The following ACSL1 variants were observed in gnomAD, a reference collection of about 807,000 sequenced individuals.
The protein encoded by ACSL1 is acyl-CoA synthetase long chain family member 1.
A neutral mutation model predicts 98.4 loss-of-function variants in ACSL1; 41 were observed. The observed-to-expected ratio is 0.42, with a 90% CI of 0.32 to 0.54. ACSL1 has a LOEUF of 0.54. Among genes scored for constraint, ACSL1 ranks in the 20% least tolerant of loss-of-function variants. The pLI, the probability that ACSL1 is intolerant of heterozygous loss-of-function variation, is 0.13. For missense variants in ACSL1, 734 were observed against 883.1 expected (o/e 0.83, Z 2.14); for synonymous variants, 316 against 322.7 (o/e 0.98, Z 0.22).
chr4:184,796,673 G>C (rs1462911506), intron 2 of ACSL1, among the ~76,000 whole-genome samples: 2 of 152,220 alleles, frequency 1.3e-5, no homozygotes, highest in Non-Finnish European at 2.9e-5. Flanking sequence ...AAGGATGAAG[G>C]ATAGGGATGT....
intron 1 of ACSL1, among the ~76,000 whole-genome samples, chr4:184,821,925 A>G (rs1773095737): frequency 6.6e-6 from 1 of 152,282 alleles, no homozygotes; most frequent in Non-Finnish European, 1.5e-5. Flanking sequence ...AAATGTTAAT[A>G]GTATTTAATC....
chr4:184,789,322 T>C lies in ACSL1; in HGVS notation c.196-591A>G, dbSNP rs888746695. Among the ~76,000 whole-genome samples the C allele has an allele frequency of 9.8e-5, 15 of 152,304 alleles. No homozygotes were observed. The South Asian group carries it at 3.1e-3, about 32-fold the overall frequency. The stretch of plus-strand genomic sequence containing the variant: ...CCACAAACTGCCACCACTACACACA[T>C]TGACAGTTCTCAAGCCACTGCCATC... On this transcript the variant is annotated intron_variant, in intron 2 of 20. Coordinates refer to ENST00000281455, the MANE Select transcript of ACSL1 (RefSeq NM_001995.5).
chr4:184,792,984 A>G (rs373388529), intron 2 of ACSL1, among the ~76,000 whole-genome samples: 2 of 152,078 alleles, frequency 1.3e-5, no homozygotes, highest in African/African-American at 4.8e-5. Flanking sequence ...AAATAGCTTA[A>G]ATTTGGCCCT....
Position 184,766,074 on chromosome 4 carries a change from G to A in ACSL1, c.1264-88C>T, listed in dbSNP as rs1164852720. ...GCCAAGGGGGCCTGCTTGGGACCCC[G>A]TTCCCTAACCCATAGCTGCAGACCA... On this transcript the variant is annotated intron_variant, in intron 13 of 20. Transcript: ENST00000281455. The surrounding 1 kb of genome is among the most constrained non-coding windows in gnomAD (Gnocchi z 4.8). 3.5e-5 allele frequency: 45 copies of A among 1,272,752 alleles called. 1 individual carries two copies. The highest frequency in any genetic ancestry group is 4.6e-5 in the Non-Finnish European group (41 of 890,988). 78.8% of individuals were successfully genotyped at this position (1,272,752 alleles called of 1,614,324 possible).
At chr4:184,760,573 C>T in intron 17 of ACSL1, 73 bp from the exon 18 acceptor site, 1 of 1,572,620 alleles carries the variant, frequency 6.4e-7, no homozygotes, top group Non-Finnish European at 8.7e-7. Flanking sequence ...CCCAGTACAA[C>T]ACTGAAAGGT....
intron 12 of ACSL1, among the ~76,000 whole-genome samples, chr4:184,767,390 A>T (rs1300297116): frequency 6.6e-6 from 1 of 152,078 alleles, no homozygotes; most frequent in Non-Finnish European, 1.5e-5. Context: ...TGCTACATGG[A>T]TGCTTGTGAA....
At chr4:184,788,404 C>CAT (rs1561213720) in intron 3 of ACSL1, 3 of 659,846 alleles carry the variant, frequency 4.5e-6, no homozygotes, top group South Asian at 3.0e-5. Context: ...GTGACACTCA[C>CAT]ATATTTGACC....
At chr4:184,821,070 CA>C in intron 1 of ACSL1, 1 of 456,312 alleles carries the variant, frequency 2.2e-6, no homozygotes. Context: ...ACCTACCTTA[CA>C]GGGTTGCTGA....
rs1304679457 is a variant in ACSL1, at chr4:184,803,297, G to C, written c.195+23C>G. On this transcript the variant is annotated intron_variant, in intron 2 of 20. Coordinates refer to ENST00000281455, the MANE Select transcript of ACSL1 (RefSeq NM_001995.5). The surrounding 1 kb of genome is among the most constrained non-coding windows in gnomAD (Gnocchi z 4.8). ...GGGGAAATGCGGAGAAAACGCACGAGGCAGGCTGGGCCCTCCACTCACCGC... is the reference window on the plus strand; with the variant it reads ...GGGGAAATGCGGAGAAAACGCACGACGCAGGCTGGGCCCTCCACTCACCGC... 6.6e-7 allele frequency: 1 copy of C among 1,520,958 alleles called. No individual in the cohort carries two copies. Among genetic ancestry groups the C allele is most frequent in the African/African-American group, 1.4e-5 (1 of 72,062 alleles). 94.2% of individuals were successfully genotyped at this position (1,520,958 alleles called of 1,614,324 possible).
intron 4 of ACSL1, 40 bp from the exon 5 acceptor site, chr4:184,780,473 C>T: frequency 1.3e-6 from 2 of 1,502,498 alleles, no homozygotes; most frequent in Non-Finnish European, 1.8e-6. Context: ...GCATTGGGCC[C>T]CAACTCCAGA....
chr4:184,756,985 A>T lies in ACSL1; in HGVS notation c.*140T>A. 2 of 1,091,570 alleles carry T rather than the reference A, an allele frequency of 1.8e-6. No individual in the cohort carries two copies. Among genetic ancestry groups the T allele is most frequent in the South Asian group, 4.1e-5 (2 of 48,586 alleles). 67.6% of individuals were successfully genotyped at this position (1,091,570 alleles called of 1,614,324 possible). On this transcript the variant is annotated 3_prime_UTR_variant, in exon 21 of 21. Coordinates refer to ENST00000281455, the MANE Select transcript of ACSL1 (RefSeq NM_001995.5). ...TTCTCTTTCCTCTAGCATTCCTATG[A>T]GAAGAACCCCGAATGGACAAGTCAA...
At chr4:184,781,350 T>C (rs909969805) in intron 4 of ACSL1, among the ~76,000 whole-genome samples, 2 of 151,602 alleles carry the variant, frequency 1.3e-5, no homozygotes, top group East Asian at 1.9e-4. Flanking sequence ...AAGTAAATGA[T>C]GGTAAATCAC....
At chr4:184,782,946 C>A (rs187702674) in intron 4 of ACSL1, among the ~76,000 whole-genome samples, 1 of 152,316 alleles carries the variant, frequency 6.6e-6, no homozygotes, top group East Asian at 1.9e-4. Flanking sequence ...TACACCAGCT[C>A]CTAAGCTGCC....
At chr4:184,765,658 T>TG (rs1763480956) in intron 14 of ACSL1, among the ~76,000 whole-genome samples, 1 of 151,932 alleles carries the variant, frequency 6.6e-6, no homozygotes, top group Non-Finnish European at 1.5e-5. Flanking sequence ...TCTCACCACG[T>TG]GGGAAAAAAA....
chr4:184,778,445 T>C (rs899256392), intron 5 of ACSL1, among the ~76,000 whole-genome samples: 2 of 152,174 alleles, frequency 1.3e-5, no homozygotes, highest in African/African-American at 4.8e-5. Context: ...CTCCACCACA[T>C]GAAAATGCTC....
At chr4:184,817,423 T>C (rs1772724401) in intron 1 of ACSL1, among the ~76,000 whole-genome samples, 1 of 152,104 alleles carries the variant, frequency 6.6e-6, no homozygotes, top group Non-Finnish European at 1.5e-5. Flanking sequence ...TCCATAGAAG[T>C]TCTAATGTTT....
intron 1 of ACSL1, among the ~76,000 whole-genome samples, chr4:184,809,051 A>G: frequency 6.6e-6 from 1 of 152,232 alleles, no homozygotes; most frequent in East Asian, 1.9e-4. Flanking sequence ...AATTAAGTAT[A>G]ATAAATCTTA....
At position 184,757,153 on chromosome 4, in the gene ACSL1, T is replaced by C; in HGVS notation, c.2069A>G (p.Asp690Gly). Reference sequence around the variant, plus strand: ...AACCTTGATAGTGGAATAGAGGTCATCTATCTGCGACCTGAAATAGTTCCG... The same window carrying C: ...AACCTTGATAGTGGAATAGAGGTCACCTATCTGCGACCTGAAATAGTTCCG... ...ELRNYFRSQI[D>G]DLYSTIKV Residue 690 changes from aspartate (D) to glycine (G), a missense_variant, in exon 21 of 21, where the codon GAT becomes GGT. Asp to Gly is a moderately conservative substitution (Grantham distance 94, BLOSUM62 -1). Coordinates refer to ENST00000281455, the MANE Select transcript of ACSL1 (RefSeq NM_001995.5). The surrounding 1 kb of genome is among the most constrained non-coding windows in gnomAD (Gnocchi z 4.5). 1.9e-6 allele frequency: 3 copies of C among 1,605,492 alleles called. No individual in the cohort carries two copies. Among genetic ancestry groups the C allele is most frequent in the African/African-American group, 2.7e-5 (2 of 74,914 alleles).
chr4:184,821,141 C>A, intron 1 of ACSL1: 1 of 456,232 alleles, frequency 2.2e-6, no homozygotes, highest in Admixed American at 2.3e-5. Context: ...CTGCTGCTCT[C>A]ATCACTGCTC....
Sources: allele counts gnomAD v4.1 joint callset (sites outside exome capture counted in the v4.1 genomes callset), GRCh38; gene constraint gnomAD v4.1.1; non-coding constraint Gnocchi (gnomAD v3.1); transcripts MANE v1.5; gene names NCBI Gene and HGNC (gene_info 2026-07-23, HGNC 2026-07-21).